KLRG1: variants seen among roughly 807,000 people sequenced by gnomAD.
The protein encoded by KLRG1 is killer cell lectin-like receptor subfamily G member 1.
Under a neutral mutation model 21.8 loss-of-function variants are expected in KLRG1, and 16 were observed. The observed-to-expected ratio is 0.73, with a 90% CI of 0.50 to 1.11. The LOEUF is 1.11. Ranked by LOEUF, KLRG1 falls within the 50% of genes most tolerant of loss-of-function variation. KLRG1 has a pLI of 0.00. For missense variants in KLRG1, 173 were observed against 218.3 expected (o/e 0.79, Z 1.31); for synonymous variants, 69 against 75.9 (o/e 0.91, Z 0.47).
chr12:9,109,718 G>T, the KLRG1 span: 1 of 742,874 alleles, frequency 1.3e-6, no homozygotes, highest in Non-Finnish European at 2.2e-6. Context: ...GATCACTGAT[G>T]TCCTCATTGG....
intron 1 of KLRG1, among the ~76,000 whole-genome samples, chr12:8,980,015 C>T (rs1389704465): frequency 6.6e-6 from 1 of 152,132 alleles, no homozygotes; most frequent in Non-Finnish European, 1.5e-5. Flanking sequence ...ATTGTCCTGC[C>T]TCAGCCTCCC....
the KLRG1 span, among the ~76,000 whole-genome samples, chr12:9,160,870 A>G: frequency 2.6e-5 from 4 of 152,004 alleles, no homozygotes; most frequent in East Asian, 1.9e-4. Flanking sequence ...AGCCGAGATC[A>G]CGTCACTGTA....
At chr12:9,071,945 A>G in the KLRG1 span, among the ~76,000 whole-genome samples, 2 of 152,222 alleles carry the variant, frequency 1.3e-5, no homozygotes, top group East Asian at 3.8e-4. Context: ...CAAATTAATT[A>G]TATCATATAT....
the KLRG1 span, chr12:9,028,279 G>A: frequency 6.4e-6 from 3 of 469,636 alleles, no homozygotes; most frequent in Non-Finnish European, 1.1e-5. Flanking sequence ...AGCCTCCCAA[G>A]TAGCTGGGAT....
At chr12:9,112,645 T>C in the KLRG1 span, 2 of 1,191,556 alleles carry the variant, frequency 1.7e-6, no homozygotes, top group African/African-American at 3.0e-5. Flanking sequence ...TTAACTTCAC[T>C]CCCTTGTTCT....
chr12:8,960,145 C>T (rs191544521), intron 1 of KLRG1, among the ~76,000 whole-genome samples: 50 of 152,240 alleles, frequency 3.3e-4, no homozygotes, highest in Admixed American at 1.2e-3. Context: ...ATAAGTTAGG[C>T]GAGCCCCACA....
At chr12:9,096,614 G>A in the KLRG1 span, among the ~76,000 whole-genome samples, 1 of 152,190 alleles carries the variant, frequency 6.6e-6, no homozygotes, top group Non-Finnish European at 1.5e-5. Context: ...ATTTGAAGGT[G>A]AGAAGTAAGA....
At chr12:8,961,945 G>C (rs1946388700) in intron 1 of KLRG1, among the ~76,000 whole-genome samples, 1 of 152,116 alleles carries the variant, frequency 6.6e-6, no homozygotes, top group South Asian at 2.1e-4. Context: ...AATTAGCCAG[G>C]CATGGTGGTA....
the KLRG1 span, among the ~76,000 whole-genome samples, chr12:9,147,454 G>GT: frequency 6.6e-6 from 1 of 152,132 alleles, no homozygotes; most frequent in African/African-American, 2.4e-5. Flanking sequence ...TCTTTTTTCT[G>GT]TTTTTTAGCC....
the KLRG1 span, among the ~76,000 whole-genome samples, chr12:9,023,120 C>T: frequency 6.6e-6 from 1 of 152,218 alleles, no homozygotes; most frequent in Non-Finnish European, 1.5e-5. Context: ...GCCAGTCAGT[C>T]AGAAACTCAG....
At chr12:9,016,064 C>G in the KLRG1 span, among the ~76,000 whole-genome samples, 1 of 151,790 alleles carries the variant, frequency 6.6e-6, no homozygotes, top group African/African-American at 2.4e-5. Context: ...GTAAAAATGC[C>G]TCAAATATAC....
chr12:8,969,762 C>T (rs1946537371), intron 1 of KLRG1, among the ~76,000 whole-genome samples: 1 of 152,076 alleles, frequency 6.6e-6, no homozygotes, highest in South Asian at 2.1e-4. Context: ...AGGAAAGGCA[C>T]ACATTTCCAA....
At chr12:9,167,082 G>A in the KLRG1 span, 1 of 152,196 alleles carries the variant, frequency 6.6e-6, no homozygotes, top group Non-Finnish European at 1.5e-5. Context: ...CTTGCCCCAT[G>A]TCCTTCCAAG....
chr12:9,032,151 G>C, the KLRG1 span, among the ~76,000 whole-genome samples: 1 of 151,990 alleles, frequency 6.6e-6, no homozygotes, highest in African/African-American at 2.4e-5. Flanking sequence ...TTTTTTTGAG[G>C]GTGCAAAAAG....
the KLRG1 span, among the ~76,000 whole-genome samples, chr12:9,129,794 C>A: frequency 6.6e-6 from 1 of 152,166 alleles, no homozygotes; most frequent in East Asian, 1.9e-4. Flanking sequence ...GTGATCCACC[C>A]GCGTCGGCCT....
At chr12:9,160,783 C>T in the KLRG1 span, among the ~76,000 whole-genome samples, 3,308 of 152,006 alleles carry the variant, frequency 0.022, 57 homozygotes, top group Non-Finnish European at 0.037. Flanking sequence ...GGCGTGGTGG[C>T]GGGCGCCTGT....
chr12:9,106,724 C>G, the KLRG1 span: 3 of 465,932 alleles, frequency 6.4e-6, no homozygotes, highest in African/African-American at 1.0e-4. Context: ...TTTTCTATGA[C>G]GAGGACACAA....
the KLRG1 span, among the ~76,000 whole-genome samples, chr12:9,191,315 G>T: frequency 5.9e-5 from 9 of 151,870 alleles, no homozygotes; most frequent in Admixed American, 5.2e-4. Flanking sequence ...TACACAGTGG[G>T]GTCCATTCTC....
At chr12:9,033,289 A>T in the KLRG1 span, among the ~76,000 whole-genome samples, 5 of 152,270 alleles carry the variant, frequency 3.3e-5, no homozygotes, top group South Asian at 1.0e-3. Flanking sequence ...ATAAAAAAAT[A>T]AAAGAATTAG....
Sources: allele counts gnomAD v4.1 joint callset (sites outside exome capture counted in the v4.1 genomes callset), GRCh38; gene constraint gnomAD v4.1.1; transcripts MANE v1.5; gene names NCBI Gene and HGNC (gene_info 2026-07-23, HGNC 2026-07-21).